The following PPP3CC variants were observed in gnomAD, a reference collection of about 807,000 sequenced individuals.
PPP3CC encodes the protein serine/threonine-protein phosphatase 2B catalytic subunit gamma isoform.
In PPP3CC, 35 loss-of-function variants were observed where a neutral mutation model predicts 60.3. The observed-to-expected ratio is 0.58, with a 90% CI of 0.44 to 0.77. PPP3CC has a LOEUF of 0.77. Ranked by LOEUF, PPP3CC falls within the 30% of genes least tolerant of loss-of-function variation. The pLI, the probability that PPP3CC is intolerant of heterozygous loss-of-function variation, is 0.00. For synonymous variants in PPP3CC, 206 were observed against 224.3 expected, an observed-to-expected ratio of 0.92 and a Z score of 0.73; for missense variants, 570 against 628.9, an observed-to-expected ratio of 0.91 and a Z score of 1.00.
intron 1 of PPP3CC, among the ~76,000 whole-genome samples, chr8:22,446,220 AAAAT>A (rs1198836196): frequency 6.6e-6 from 1 of 152,200 alleles, no homozygotes; most frequent in African/African-American, 2.4e-5. Flanking sequence ...CCACTCAACC[AAAAT>A]AAATAGATTA....
intron 3 of PPP3CC, among the ~76,000 whole-genome samples, chr8:22,478,257 G>A (rs1302824993): frequency 6.6e-6 from 1 of 151,246 alleles, no homozygotes; most frequent in African/African-American, 2.4e-5. Flanking sequence ...GTTTTAAGCA[G>A]TTCTCTGCCT....
At chr8:22,508,571 T>C (rs1191484520) in intron 4 of PPP3CC, among the ~76,000 whole-genome samples, 4 of 152,230 alleles carry the variant, frequency 2.6e-5, no homozygotes, top group African/African-American at 9.6e-5. Flanking sequence ...GCATTCTTTT[T>C]TGGAAGTAGG....
At chr8:22,522,139 G>A (rs74653403) in intron 6 of PPP3CC, among the ~76,000 whole-genome samples, 37 of 149,012 alleles carry the variant, frequency 2.5e-4, no homozygotes, top group African/African-American at 6.9e-4. Flanking sequence ...ACACACACAC[G>A]CACACACACA....
intron 3 of PPP3CC, among the ~76,000 whole-genome samples, chr8:22,493,540 T>G (rs976756712): frequency 2.6e-5 from 4 of 152,252 alleles, no homozygotes; most frequent in Non-Finnish European, 5.9e-5. Flanking sequence ...ATTAAAACCT[T>G]TTTTTACTTT....
chr8:22,476,851 G>A (rs985239901), intron 3 of PPP3CC, among the ~76,000 whole-genome samples: 3 of 150,914 alleles, frequency 2.0e-5, no homozygotes, highest in Admixed American at 6.6e-5. Context: ...AGAATGGCGT[G>A]AACCTGGGAG....
At position 22,473,562 on chromosome 8, in the gene PPP3CC, C is replaced by G. The variant is rs140167233; in HGVS notation, c.50-1392C>G. On this transcript the variant is annotated intron_variant, in intron 1 of 13. Transcript: ENST00000240139. Reference sequence around the variant, plus strand: ...CACTGCAACCTCCATCTCCCAGATTCAAGCAATTCTTCTGCCTCAGCCTCC... The same window carrying G: ...CACTGCAACCTCCATCTCCCAGATTGAAGCAATTCTTCTGCCTCAGCCTCC... Among the ~76,000 whole-genome samples the G allele has an allele frequency of 1.8e-3, 279 of 151,696 alleles. 2 individuals carry two copies. Among genetic ancestry groups the G allele is most frequent in the Non-Finnish European group, 1.1e-3 (73 of 67,954 alleles).
chr8:22,465,954 A>G (rs1009906206), intron 1 of PPP3CC, among the ~76,000 whole-genome samples: 2 of 152,064 alleles, frequency 1.3e-5, no homozygotes, highest in African/African-American at 4.8e-5. Context: ...CATCATTTAC[A>G]TTAGGTATTT....
intron 6 of PPP3CC, among the ~76,000 whole-genome samples, chr8:22,516,555 A>G (rs1393699913): frequency 2.0e-5 from 3 of 152,186 alleles, no homozygotes; most frequent in African/African-American, 4.8e-5. Context: ...CCAAATCAGT[A>G]CTTACAGAGG....
chr8:22,458,170 G>C (rs1278480021), intron 1 of PPP3CC, among the ~76,000 whole-genome samples: 1 of 152,198 alleles, frequency 6.6e-6, no homozygotes, highest in African/African-American at 2.4e-5. Context: ...ATGTGAGCAT[G>C]TAGTAGGTAC....
chr8:22,469,257 AT>A (rs1156634434), intron 1 of PPP3CC, among the ~76,000 whole-genome samples: 1 of 152,212 alleles, frequency 6.6e-6, no homozygotes, highest in East Asian at 1.9e-4. Context: ...AATATCATAT[AT>A]TCTCACTTAT....
intron 3 of PPP3CC, among the ~76,000 whole-genome samples, chr8:22,489,478 C>G (rs1838315409): frequency 6.7e-6 from 1 of 150,228 alleles, no homozygotes; most frequent in Non-Finnish European, 1.5e-5. Flanking sequence ...CTCAGATTGT[C>G]AACAGTGCCT....
At position 22,441,335 on chromosome 8, in the gene PPP3CC, C is replaced by G. The variant is rs1836660397; in HGVS notation, c.-75C>G. The G allele has an allele frequency of 4.1e-6, 6 of 1,455,732 alleles. No individual in the cohort carries two copies. The highest frequency in any genetic ancestry group is 3.0e-5 in the African/African-American group (2 of 67,500). 90.2% of individuals were successfully genotyped at this position (1,455,732 alleles called of 1,614,324 possible). A position where few individuals can be genotyped will look rare whatever the true frequency, so the allele number is the denominator to read the frequency against. On this transcript the variant is annotated 5_prime_UTR_variant, in exon 1 of 14. Coordinates refer to ENST00000240139, the MANE Select transcript of PPP3CC (RefSeq NM_005605.5). ...ACGGCTCCGGGCAGCTAAGGCTGCC[C>G]GAGGAGAAGGCGGCGGCCGCGGCGT...
intron 1 of PPP3CC, among the ~76,000 whole-genome samples, chr8:22,457,683 T>G (rs920280523): frequency 1.3e-5 from 2 of 152,372 alleles, no homozygotes; most frequent in African/African-American, 2.4e-5. Context: ...TCTTCCGTAC[T>G]TACAGTCTGA....
chr8:22,506,924 A>T (rs1838940482), intron 4 of PPP3CC, among the ~76,000 whole-genome samples: 1 of 150,400 alleles, frequency 6.6e-6, no homozygotes, highest in African/African-American at 2.4e-5. Context: ...TCTCTCAAAT[A>T]AATAAATTAA....
At chr8:22,457,389 G>A (rs772011430) in intron 1 of PPP3CC, among the ~76,000 whole-genome samples, 9 of 150,206 alleles carry the variant, frequency 6.0e-5, no homozygotes, top group East Asian at 2.0e-4. Context: ...TGCAACCTCC[G>A]CCTCCTAGGT....
intron 10 of PPP3CC, among the ~76,000 whole-genome samples, chr8:22,530,954 C>T (rs1839698403): frequency 6.6e-6 from 1 of 151,906 alleles, no homozygotes; most frequent in African/African-American, 2.4e-5. Context: ...GTTCTGTCCT[C>T]CGTTTTTGTT....
Position 22,522,906 on chromosome 8 carries a change from A to T in PPP3CC, c.943+157A>T, listed in dbSNP as rs1839446395. ...TGAAACAAAGGCCAAGAAATTTAGA[A>T]TTTATGCTGCTGCTTGGTCTTTATC... is the stretch of plus-strand genomic sequence containing the variant. On this transcript the variant is annotated intron_variant, in intron 8 of 13. Transcript: ENST00000240139. The T allele has an allele frequency of 5.3e-6, 3 of 564,642 alleles. No homozygotes were observed. The South Asian group carries it at 7.7e-5, about 14-fold the overall frequency. 35.0% of individuals were successfully genotyped at this position (564,642 alleles called of 1,614,324 possible). A position where few individuals can be genotyped will look rare whatever the true frequency, so the allele number is the denominator to read the frequency against.
intron 3 of PPP3CC, 24 bp from the exon 4 acceptor site, chr8:22,497,977 T>G: frequency 6.6e-7 from 1 of 1,523,132 alleles, no homozygotes. Context: ...CAAAGAAAAT[T>G]TTATGCTTGA....
At chr8:22,460,475 A>G (rs1837333217) in intron 1 of PPP3CC, among the ~76,000 whole-genome samples, 1 of 152,004 alleles carries the variant, frequency 6.6e-6, no homozygotes, top group African/African-American at 2.4e-5. Flanking sequence ...TACAAGCATG[A>G]GCCACCATTC....
Sources: allele counts gnomAD v4.1 joint callset (sites outside exome capture counted in the v4.1 genomes callset), GRCh38; gene constraint gnomAD v4.1.1; transcripts MANE v1.5; gene names NCBI Gene and HGNC (gene_info 2026-07-23, HGNC 2026-07-21).